The following NR3C2 variants were observed in gnomAD, a reference collection of about 807,000 sequenced individuals.
NR3C2 encodes the protein nuclear receptor subfamily 3 group C member 2, also known as mineralocorticoid receptor.
A neutral mutation model predicts 86.4 loss-of-function variants in NR3C2; 15 were observed. The ratio of observed to expected loss-of-function variants is 0.17; its 90% CI spans 0.12 to 0.27. The LOEUF (loss-of-function observed/expected upper bound fraction) is 0.27. Ranked by LOEUF, NR3C2 falls within the 10% of genes least tolerant of loss-of-function variation. NR3C2 has a pLI of 1.00. For missense variants in NR3C2, 960 were observed against 1,195.6 expected, an observed-to-expected ratio of 0.80 and a Z score of 2.91; for synonymous variants, 458 against 450.5, an observed-to-expected ratio of 1.02 and a Z score of -0.21.
Position 148,436,152 on chromosome 4 carries a change from A to G in NR3C2, c.709T>C (p.Cys237Arg), listed in dbSNP as rs1445529845. The G allele has an allele frequency of 1.9e-6, 3 of 1,614,188 alleles. No individual in the cohort carries two copies. The highest frequency in any genetic ancestry group is 1.1e-5 in the South Asian group (1 of 91,076). Residue 237 changes from cysteine (C) to arginine (R), a missense_variant, in exon 2 of 9, where the codon TGC (cysteine) becomes CGC (arginine). This residue lies in a region of NR3C2 where 680 missense variants were observed against 719.0 expected (regional missense o/e 0.95). Coordinates refer to ENST00000358102, the MANE Select transcript of NR3C2 (RefSeq NM_000901.5). Reference sequence around the variant, plus strand: ...CCTCGATTTTCAACATTAGGGGAGCATGTCAGAGGAGTTCCCTGGGTGATT... The same window carrying G: ...CCTCGATTTTCAACATTAGGGGAGCGTGTCAGAGGAGTTCCCTGGGTGATT... ...SPITQGTPLT[C>R]SPNVENRGSR...
chr4:148,344,859 T>A (rs1744915582), intron 2 of NR3C2, among the ~76,000 whole-genome samples: 1 of 152,194 alleles, frequency 6.6e-6, no homozygotes, highest in South Asian at 2.1e-4. Context: ...ACTATCCTGT[T>A]CCTTTAAACA....
Position 148,347,082 on chromosome 4 carries a change from C to T in NR3C2, c.1758-86965G>A, listed in dbSNP as rs1858415. On this transcript the variant is annotated intron_variant, in intron 2 of 8. Transcript: ENST00000358102. ...CTAAGGGTCAAATTCTGCTGTGAAG[C>T]CACGTAAGAAAAGCACTGCAAAGGA... Among the ~76,000 whole-genome samples, 756 of 152,118 alleles carry T rather than the reference C, an allele frequency of 5.0e-3. 8 individuals are homozygous for T. The highest frequency in any genetic ancestry group is 0.018 in the African/African-American group (734 of 41,514).
intron 4 of NR3C2, among the ~76,000 whole-genome samples, chr4:148,169,840 A>G (rs946848868): frequency 2.6e-5 from 4 of 152,252 alleles, no homozygotes; most frequent in African/African-American, 9.6e-5. Context: ...CAGAGTATCT[A>G]CAAGTGGAGG....
At chr4:148,207,056 G>C (rs1737043695) in intron 3 of NR3C2, among the ~76,000 whole-genome samples, 1 of 152,026 alleles carries the variant, frequency 6.6e-6, no homozygotes, top group African/African-American at 2.4e-5. Context: ...TGAGTAGCTG[G>C]GACTACAGGT....
At chr4:148,306,531 T>C (rs1270189066) in intron 2 of NR3C2, among the ~76,000 whole-genome samples, 5 of 152,252 alleles carry the variant, frequency 3.3e-5, no homozygotes, top group Non-Finnish European at 7.3e-5. Context: ...GAAATGTTTA[T>C]TTTTATAACA....
At chr4:148,397,520 C>A (rs1747922297) in intron 2 of NR3C2, among the ~76,000 whole-genome samples, 1 of 152,190 alleles carries the variant, frequency 6.6e-6, no homozygotes, top group African/African-American at 2.4e-5. Flanking sequence ...TATTATCACA[C>A]CTTTAGCAAA....
At chr4:148,221,715 A>G (rs1209323918) in intron 3 of NR3C2, among the ~76,000 whole-genome samples, 1 of 152,030 alleles carries the variant, frequency 6.6e-6, no homozygotes, top group African/African-American at 2.4e-5. Flanking sequence ...CAACATGGTG[A>G]AAGCCCATCT....
intron 2 of NR3C2, among the ~76,000 whole-genome samples, chr4:148,342,821 C>T (rs1744813161): frequency 1.3e-5 from 2 of 152,048 alleles, no homozygotes; most frequent in Non-Finnish European, 2.9e-5. Context: ...CTACTTCAGT[C>T]GTTTTGTCTG....
At chr4:148,367,569 G>T (rs1353798601) in intron 2 of NR3C2, among the ~76,000 whole-genome samples, 2 of 152,092 alleles carry the variant, frequency 1.3e-5, no homozygotes, top group African/African-American at 4.8e-5. Context: ...TTTAAGACAG[G>T]CTGCTGGATT....
At chr4:148,302,842 G>A (rs146241484) in intron 2 of NR3C2, among the ~76,000 whole-genome samples, 1,891 of 98,518 alleles carry the variant, frequency 0.019, 52 homozygotes, top group African/African-American at 0.07. Context: ...GCGAAACTCC[G>A]TCTCAAAAAA....
At chr4:148,213,354 T>G (rs749733414) in intron 3 of NR3C2, among the ~76,000 whole-genome samples, 1 of 152,084 alleles carries the variant, frequency 6.6e-6, no homozygotes, top group African/African-American at 2.4e-5. Flanking sequence ...CAAGGAAAAG[T>G]AGAAATCATT....
intron 4 of NR3C2, among the ~76,000 whole-genome samples, chr4:148,176,561 C>T (rs946727329): frequency 6.6e-6 from 1 of 152,208 alleles, no homozygotes; most frequent in African/African-American, 2.4e-5. Context: ...ACAGATATCA[C>T]TTTGAAGCAA....
chr4:148,390,127 TA>T (rs61378271), intron 2 of NR3C2, among the ~76,000 whole-genome samples: 98 of 127,148 alleles, frequency 7.7e-4, no homozygotes, highest in Admixed American at 1.5e-3. Flanking sequence ...ATACATTCCT[TA>T]AAAAAAAAAA....
At chr4:148,341,942 A>G (rs1744768239) in intron 2 of NR3C2, among the ~76,000 whole-genome samples, 1 of 152,168 alleles carries the variant, frequency 6.6e-6, no homozygotes, top group Non-Finnish European at 1.5e-5. Context: ...AGTCAAAAAC[A>G]ACTGACAAGC....
chr4:148,445,144 C>T (rs1001812777), upstream of NR3C2, among the ~76,000 whole-genome samples: 4 of 152,004 alleles, frequency 2.6e-5, no homozygotes, highest in African/African-American at 9.7e-5. Flanking sequence ...AAACTGAGCC[C>T]AAATGCACGC....
chr4:148,333,516 G>A (rs1449913394), intron 2 of NR3C2, among the ~76,000 whole-genome samples: 1 of 139,394 alleles, frequency 7.2e-6, no homozygotes, highest in African/African-American at 2.6e-5. Flanking sequence ...CTATCTCCTG[G>A]AACTTCCAGA....
chr4:148,123,555 G>A lies in NR3C2; in HGVS notation c.2511-3267C>T, dbSNP rs899178064. On this transcript the variant is annotated intron_variant, in intron 6 of 8. Transcript: ENST00000358102. Reference sequence around the variant, plus strand: ...CTTAATAAAACTTGCTGGTTTTGAGGCTCAGGTGGGCATCATGATCCTACC... The same window carrying A: ...CTTAATAAAACTTGCTGGTTTTGAGACTCAGGTGGGCATCATGATCCTACC... Among the ~76,000 whole-genome samples the A allele has an allele frequency of 5.3e-5, 8 of 152,254 alleles. No homozygotes were observed. In the South Asian group the frequency reaches 6.2e-4, roughly 12 times the overall value.
chr4:148,412,821 G>GCA (rs370759208), intron 2 of NR3C2, among the ~76,000 whole-genome samples: 6,296 of 115,912 alleles, frequency 0.054, 391 homozygotes, highest in African/African-American at 0.16. Context: ...GCACATGTGC[G>GCA]CACACACACA....
At chr4:148,444,657 C>A, upstream of NR3C2, 1 of 985,722 alleles carries the variant, frequency 1.0e-6, no homozygotes, top group Non-Finnish European at 1.2e-6. Flanking sequence ...GGATGATAAT[C>A]CCGGCAGTGG....
Sources: allele counts gnomAD v4.1 joint callset (sites outside exome capture counted in the v4.1 genomes callset), GRCh38; gene constraint gnomAD v4.1.1; regional missense constraint gnomAD v4.1.1; transcripts MANE v1.5; gene names NCBI Gene and HGNC (gene_info 2026-07-23, HGNC 2026-07-21).